Variants in NUTM2G observed in about 807,000 individuals in gnomAD.
NUTM2G encodes family with sequence similarity 22, member G.
NUTM2G carries 29 observed loss-of-function variants against 44.3 expected under a neutral mutation model. That is an observed-to-expected ratio of 0.66 (90% CI 0.49 to 0.89). NUTM2G has a LOEUF of 0.89. NUTM2G is among the 40% of genes least tolerant of loss of function. The pLI is 0.00. For synonymous variants in NUTM2G, 205 were observed against 395.9 expected (o/e 0.52, Z 5.72); for missense variants, 502 against 946.5 (o/e 0.53, Z 6.16).
intron 1 of NUTM2G, among the ~76,000 whole-genome samples, chr9:96,931,074 G>C (rs1436056075): frequency 6.6e-6 from 1 of 151,756 alleles, no homozygotes; most frequent in Non-Finnish European, 1.5e-5. Context: ...TTTTAGTAGA[G>C]ATGGGGTTTC....
intron 6 of NUTM2G, 118 bp downstream of exon 6, chr9:96,938,119 C>T (rs1826501945): frequency 9.4e-7 from 1 of 1,062,878 alleles, no homozygotes; most frequent in Non-Finnish European, 1.4e-6. Context: ...CTTGGGGAGC[C>T]ACTCCGGGGT....
chr9:96,935,947 A>AAGAC (rs549990604), intron 3 of NUTM2G, among the ~76,000 whole-genome samples: 1 of 150,158 alleles, frequency 6.7e-6, no homozygotes, highest in African/African-American at 2.5e-5. Context: ...ACCGTCCGTG[A>AAGAC]AGACAGACAG....
chr9:96,938,652 C>T lies in NUTM2G; in HGVS notation c.1729C>T (p.Pro577Ser), dbSNP rs761546268. The change falls in exon 7 of 7, where the codon CCA becomes TCA. Residue 577 changes from proline (P) to serine (S), a missense_variant. By Grantham distance (74) the Pro-to-Ser change is moderately conservative (BLOSUM62 -1). Transcript: ENST00000372322. ...CTCCCCCAGGCTGAAGGCTGTCCGGCCAACCTCTCCTCCCCAGGACCACAG... is the reference window on the plus strand; with the variant it reads ...CTCCCCCAGGCTGAAGGCTGTCCGGTCAACCTCTCCTCCCCAGGACCACAG... ...QDSPRLKAVRPTSPPQDHRPT... is the reference protein window; with the variant it reads ...QDSPRLKAVRSTSPPQDHRPT... 3 of 1,603,890 alleles carry T rather than the reference C, an allele frequency of 1.9e-6. 1 individual carries two copies. Among genetic ancestry groups the T allele is most frequent in the South Asian group, 2.2e-5 (2 of 90,472 alleles).
intron 4 of NUTM2G, 133 bp from the exon 5 acceptor site, chr9:96,936,931 C>T (rs528515556): frequency 1.1e-4 from 155 of 1,357,176 alleles, no homozygotes; most frequent in African/African-American, 1.1e-3. Context: ...GCGTCTCCTC[C>T]GGGGCGCTGT....
Position 96,937,072 on chromosome 9 carries a change from C to A in NUTM2G, c.991C>A (p.Pro331Thr). 1.9e-6 allele frequency: 3 copies of A among 1,607,028 alleles called. No homozygotes were observed. Among genetic ancestry groups the A allele is most frequent in the Non-Finnish European group, 2.5e-6 (3 of 1,178,630 alleles). The change falls in exon 5 of 7, where the codon CCC becomes ACC. Residue 331 changes from proline (P) to threonine (T), a missense_variant. By Grantham distance (38) the Pro-to-Thr change is conservative (BLOSUM62 -1). Transcript: ENST00000372322. ...PEVVKQPVYL[P>T]SKDGPKAPTA... ...CTCCCTCTCTGCCTCAGTGTACCTT[C>A]CCAGCAAGGATGGCCCCAAGGCCCC...
At chr9:96,931,164 A>T (rs1232659937) in intron 1 of NUTM2G, among the ~76,000 whole-genome samples, 3 of 152,084 alleles carry the variant, frequency 2.0e-5, no homozygotes, top group African/African-American at 4.8e-5. Context: ...CTGGGATGAC[A>T]GGCATGAACC....
At chr9:96,935,902 C>T (rs1035368884) in intron 3 of NUTM2G, among the ~76,000 whole-genome samples, 39 of 151,678 alleles carry the variant, frequency 2.6e-4, no homozygotes, top group African/African-American at 8.0e-4. Flanking sequence ...CCATGAGACC[C>T]CTCTCTGGCC....
At chr9:96,933,248 G>A (rs1588201555) in intron 2 of NUTM2G, among the ~76,000 whole-genome samples, 1 of 151,760 alleles carries the variant, frequency 6.6e-6, no homozygotes. Context: ...AAAGTGCTGC[G>A]ATTGCAGGCA....
At chr9:96,937,699 GTCTC>G (rs1331617470) in intron 5 of NUTM2G, among the ~76,000 whole-genome samples, 182 bp from the exon 6 acceptor site, 7 of 148,398 alleles carry the variant, frequency 4.7e-5, no homozygotes, top group African/African-American at 1.8e-4. Flanking sequence ...TGGTTTGTGT[GTCTC>G]TGTATGTGTG....
At chr9:96,935,952 A>G (rs1023926051) in intron 3 of NUTM2G, among the ~76,000 whole-genome samples, 9 of 148,238 alleles carry the variant, frequency 6.1e-5, no homozygotes, top group Non-Finnish European at 1.3e-4. Context: ...CCGTGAAGAC[A>G]GACAGACAGC....
downstream of NUTM2G, among the ~76,000 whole-genome samples, chr9:96,942,173 C>T (rs1457173269): frequency 6.6e-6 from 1 of 150,426 alleles, no homozygotes; most frequent in African/African-American, 2.5e-5. Flanking sequence ...GTGAGCAAGG[C>T]CGGCCCCCGT....
chr9:96,937,003 G>A (rs1357042871), intron 4 of NUTM2G, 61 bp from the exon 5 acceptor site: 1 of 1,418,910 alleles, frequency 7.0e-7, no homozygotes, highest in African/African-American at 1.4e-5. Context: ...GCCCTCCCCT[G>A]TGTGGTGCAG....
chr9:96,935,047 G>T (rs1357912630), intron 2 of NUTM2G, among the ~76,000 whole-genome samples: 1 of 152,220 alleles, frequency 6.6e-6, no homozygotes, highest in Admixed American at 6.5e-5. Context: ...TTCAACACAG[G>T]AATGTTGGGG....
intron 2 of NUTM2G, among the ~76,000 whole-genome samples, chr9:96,934,825 A>G (rs536730332): frequency 6.6e-6 from 1 of 152,254 alleles, no homozygotes; most frequent in South Asian, 2.1e-4. Context: ...CAGAAGTCCC[A>G]GATCAAGGTG....
chr9:96,937,850 C>T (rs907339420), intron 5 of NUTM2G, 35 bp from the exon 6 acceptor site: 3 of 1,598,700 alleles, frequency 1.9e-6, no homozygotes, highest in African/African-American at 2.7e-5. Context: ...TACTCCCTCC[C>T]CAGGAAGTTC....
Position 96,937,939 on chromosome 9 carries a change from C to T in NUTM2G, c.1378C>T (p.Gln460Ter), listed in dbSNP as rs1451121324. 6.2e-7 allele frequency: 1 copy of T among 1,611,940 alleles called. No homozygotes were observed. ...FLEELLSPDP[Q>*]MDFLALSQEL... Reference sequence around the variant, plus strand: ...GGAAGAATTGCTTTCCCCAGATCCACAGATGGATTTCTTGGCCCTAAGCCA... The same window carrying T: ...GGAAGAATTGCTTTCCCCAGATCCATAGATGGATTTCTTGGCCCTAAGCCA... The change falls in exon 6 of 7, where the codon CAG becomes TAG. Residue 460 changes from glutamine (Q) to a stop codon, truncating the protein, a stop_gained. Transcript: ENST00000372322. LOFTEE classifies it high-confidence loss of function.
At chr9:96,933,798 C>T (rs1256273666) in intron 2 of NUTM2G, 1 of 152,882 alleles carries the variant, frequency 6.5e-6, no homozygotes, top group Non-Finnish European at 1.5e-5. Context: ...CACACACCCA[C>T]TCTTCTGCCG....
At chr9:96,937,643 G>C (rs1000584982) in intron 5 of NUTM2G, among the ~76,000 whole-genome samples, 1 of 152,022 alleles carries the variant, frequency 6.6e-6, no homozygotes, top group African/African-American at 2.4e-5. Flanking sequence ...TATGTTACCT[G>C]TGTCTGTCTT....
At chr9:96,940,751 C>G (rs1464307386), downstream of NUTM2G, among the ~76,000 whole-genome samples, 1 of 151,586 alleles carries the variant, frequency 6.6e-6, no homozygotes, top group Non-Finnish European at 1.5e-5. Context: ...GTCCCTCTGC[C>G]AAGTGACAAA....
Sources: gnomAD v4.1 joint callset for allele counts (sites outside exome capture counted in the v4.1 genomes callset) on GRCh38, gnomAD v4.1.1 for gene constraint, MANE v1.5 for transcripts, NCBI Gene and HGNC (gene_info 2026-07-23, HGNC 2026-07-21) for gene names.